Variants in BDP1 observed in about 807,000 individuals in gnomAD.
BDP1 encodes the protein BDP1 general transcription factor IIIB subunit.
Under a neutral mutation model 266.6 loss-of-function variants are expected in BDP1, and 169 were observed. The ratio of observed to expected loss-of-function variants is 0.63; its 90% CI spans 0.56 to 0.72. BDP1 has a LOEUF of 0.72. Among genes scored for constraint, BDP1 ranks in the 30% least tolerant of loss-of-function variants. The pLI is 0.00. For synonymous variants in BDP1, 1,090 were observed against 1,022.4 expected (o/e 1.07, Z -1.26); for missense variants, 3,015 against 3,053.8 (o/e 0.99, Z 0.30).
rs796482238 is a variant in BDP1, at chr5:71,459,410, G to A, written c.489+555G>A. Among the ~76,000 whole-genome samples the A allele has an allele frequency of 4.5e-4, 69 of 152,320 alleles. 1 individual carries two copies. The highest frequency in any genetic ancestry group is 1.6e-3 in the African/African-American group (68 of 41,570). On this transcript the variant is annotated intron_variant, in intron 2 of 38. Transcript: ENST00000358731. ...ATCTGTAATCCCAACTACTGGGGAG[G>A]CTGAGGCATGAGAATTGCTTGAACC...
chr5:71,474,615 A>AG (rs1328530599), intron 7 of BDP1, among the ~76,000 whole-genome samples: 1 of 150,464 alleles, frequency 6.6e-6, no homozygotes, highest in Non-Finnish European at 1.5e-5. Flanking sequence ...TAGGAGGCTG[A>AG]GGGGGGTGGG....
chr5:71,561,357 T>C (rs1027702686), intron 37 of BDP1, among the ~76,000 whole-genome samples: 1 of 144,350 alleles, frequency 6.9e-6, no homozygotes, highest in African/African-American at 2.6e-5. Context: ...GCCGAGATTG[T>C]GCCATTGCAC....
chr5:71,537,149 C>CAAAAAAAAAAAAAA (rs70992979), intron 26 of BDP1, among the ~76,000 whole-genome samples: 6 of 82,444 alleles, frequency 7.3e-5, no homozygotes, highest in South Asian at 5.3e-4. Flanking sequence ...ACCAAAAAAC[C>CAAAAAAAAAAAAAA]AAAAAAAAAA....
chr5:71,563,040 C>T (rs1446446832), intron 38 of BDP1: 3 of 377,462 alleles, frequency 7.9e-6, no homozygotes, highest in African/African-American at 6.3e-5. Flanking sequence ...TTGTAAAGAA[C>T]ATCTTTAAAC....
intron 25 of BDP1, among the ~76,000 whole-genome samples, chr5:71,532,092 A>G (rs962435618): frequency 6.6e-6 from 1 of 152,240 alleles, no homozygotes; most frequent in African/African-American, 2.4e-5. Flanking sequence ...ACTGGTTTTA[A>G]TAGTCACAGC....
At position 71,497,276 on chromosome 5, in the gene BDP1, T is replaced by G. The variant is rs1763953084; in HGVS notation, c.1806T>G (p.Ile602Met). ...NVDLKNNSLEIDQTENVKPML... is the reference protein window; with the variant it reads ...NVDLKNNSLEMDQTENVKPML... ...AATAATGTTAATTTTTCAGGGAAAT[T>G]GATCAAACAGAAAATGTTAAACCAA... The change falls in exon 13 of 39, where the codon ATT becomes ATG. Residue 602 changes from isoleucine to methionine, a missense_variant. Ile to Met is a conservative substitution (Grantham distance 10). Around this residue, in one of 3 missense-constraint regions of BDP1, gnomAD observed 2,383 missense variants for 2,404.9 expected, o/e 0.99. Coordinates refer to ENST00000358731, the MANE Select transcript of BDP1 (RefSeq NM_018429.3). 1.9e-6 allele frequency: 3 copies of G among 1,611,216 alleles called. No individual in the cohort carries two copies. The highest frequency in any genetic ancestry group is 1.7e-6 in the Non-Finnish European group (2 of 1,178,602).
At chr5:71,458,443 C>G (rs1761331070) in intron 1 of BDP1, 136 bp from the exon 2 acceptor site, 1 of 677,838 alleles carries the variant, frequency 1.5e-6, no homozygotes, top group Admixed American at 2.8e-5. Flanking sequence ...TCATAATTAT[C>G]ATAAATCTCA....
At chr5:71,483,750 T>A in intron 7 of BDP1, 92 bp from the exon 8 acceptor site, 1 of 884,536 alleles carries the variant, frequency 1.1e-6, no homozygotes, top group Non-Finnish European at 1.9e-6. Flanking sequence ...AGTATGTTAT[T>A]CCTAAGAGTT....
chr5:71,524,765 G>T (rs1396579141), intron 25 of BDP1, among the ~76,000 whole-genome samples: 3 of 150,070 alleles, frequency 2.0e-5, no homozygotes, highest in African/African-American at 4.9e-5. Flanking sequence ...GGTTTTCCTA[G>T]GCAGAGGACC....
At chr5:71,456,603 T>C (rs1488777106) in intron 1 of BDP1, among the ~76,000 whole-genome samples, 1 of 152,220 alleles carries the variant, frequency 6.6e-6, no homozygotes, top group Non-Finnish European at 1.5e-5. Context: ...AGCATGGCTT[T>C]AGCGTCATGT....
At chr5:71,481,391 G>GAAAAAAAAAAAAAAA (rs58798987) in intron 7 of BDP1, among the ~76,000 whole-genome samples, 9 of 63,860 alleles carry the variant, frequency 1.4e-4, no homozygotes, top group East Asian at 5.2e-4. Context: ...TCTCTACAAA[G>GAAAAAAAAAAAAAAA]AAAAAAAAAA....
intron 26 of BDP1, among the ~76,000 whole-genome samples, chr5:71,533,932 T>C (rs1200084667): frequency 1.3e-5 from 2 of 152,228 alleles, no homozygotes; most frequent in Non-Finnish European, 2.9e-5. Flanking sequence ...TGTTTTTCTT[T>C]TATTGTGCTA....
At chr5:71,561,881 A>G (rs919638542) in intron 37 of BDP1, among the ~76,000 whole-genome samples, 4 of 152,178 alleles carry the variant, frequency 2.6e-5, no homozygotes, top group African/African-American at 4.8e-5. Flanking sequence ...AATTTTGCCC[A>G]GGCTGTTTTT....
intron 12 of BDP1, among the ~76,000 whole-genome samples, chr5:71,496,241 C>CA (rs34456179): frequency 0.01 from 1,103 of 110,046 alleles, 21 homozygotes; most frequent in Non-Finnish European, 0.014. Flanking sequence ...GACTCCATTT[C>CA]AAAAAAAAAA....
In BDP1 at chr5:71,458,676, C is replaced by T; in HGVS notation, c.310C>T (p.Leu104=). 5 of 1,614,016 alleles carry T rather than the reference C, an allele frequency of 3.1e-6. No individual in the cohort carries two copies. The highest frequency in any genetic ancestry group is 4.2e-6 in the Non-Finnish European group (5 of 1,179,926). Residue 104 remains leucine, a synonymous_variant, in exon 2 of 39, where the codon CTG becomes TTG. Coordinates refer to ENST00000358731, the MANE Select transcript of BDP1 (RefSeq NM_018429.3). ...AAAGCGAATATCAAGTACTTCTAGC[C>T]TGGTTAAGTCTAGTGTCAGTGTTCC... The part of the protein sequence containing the change: ...RRKRISSTSS[L]VKSSVSVPSE...
In BDP1 at chr5:71,513,352, A is replaced by G. The variant is rs1765039942; in HGVS notation, c.4415A>G (p.Glu1472Gly). 1 of 1,604,220 alleles carries G rather than the reference A, an allele frequency of 6.2e-7. No homozygotes were observed. ...AAGAAATCAGAAACCAAGAAAATGGAGACTATTGTGATGCAAGAAAATAAT... is the reference window on the plus strand; with the variant it reads ...AAGAAATCAGAAACCAAGAAAATGGGGACTATTGTGATGCAAGAAAATAAT... ...YEKKSETKKM[E>G]TIVMQENNEQ... is the part of the protein sequence containing the mutation. The change falls in exon 19 of 39, where the codon GAG (glutamate) becomes GGG (glycine). Residue 1472 changes from glutamate to glycine, a missense_variant. Glu to Gly is a moderately conservative substitution (Grantham distance 98). Transcript: ENST00000358731.
At position 71,544,606 on chromosome 5, in the gene BDP1, A is replaced by G. The variant is rs279290; in HGVS notation, c.6563+99A>G. The stretch of plus-strand genomic sequence containing the variant: ...TTTGAAAAAGAAGTTCTGGCCGGGC[A>G]CGGTGGCTCACGCCTGTAATCCCGG... On this transcript the variant is annotated intron_variant, in intron 31 of 38. Coordinates refer to ENST00000358731, the MANE Select transcript of BDP1 (RefSeq NM_018429.3). The G allele has an allele frequency of 0.48, 644,447 of 1,329,880 alleles. 156,261 individuals carry two copies. The highest frequency in any genetic ancestry group is 0.55 in the South Asian group (36,668 of 66,796). The allele number at this position is 1,329,880 out of a possible 1,614,324, so 82.4% of individuals were successfully genotyped here. A position where few individuals can be genotyped will look rare whatever the true frequency, so the allele number is the denominator to read the frequency against.
chr5:71,484,428 A>G (rs12187886), intron 8 of BDP1, among the ~76,000 whole-genome samples: 45,778 of 151,940 alleles, frequency 0.3, 7,959 homozygotes, highest in East Asian at 0.51. Flanking sequence ...AATTTTAGGT[A>G]GTGATTCATT....
At chr5:71,472,888 CTTTTTTTTTT>C (rs57109617) in intron 7 of BDP1, among the ~76,000 whole-genome samples, 1 of 53,944 alleles carries the variant, frequency 1.9e-5, no homozygotes, top group Non-Finnish European at 3.5e-5. Context: ...CTCTCTCTCT[CTTTTTTTTTT>C]TTTTTTTTTT....
Sources: allele counts gnomAD v4.1 joint callset (sites outside exome capture counted in the v4.1 genomes callset), GRCh38; gene constraint gnomAD v4.1.1; regional missense constraint gnomAD v4.1.1; transcripts MANE v1.5; gene names NCBI Gene and HGNC (gene_info 2026-07-23, HGNC 2026-07-21).